NCOA7: variants seen among roughly 807,000 people sequenced by gnomAD.
NCOA7 encodes nuclear receptor coactivator 7.
In NCOA7, 45 loss-of-function variants were observed where a neutral mutation model predicts 104.3. The observed-to-expected ratio is 0.43, with a 90% CI of 0.34 to 0.55. NCOA7 has a LOEUF of 0.55. NCOA7 is among the 20% of genes least tolerant of loss of function. The pLI is 0.02. For synonymous variants in NCOA7, 398 were observed against 402.3 expected (o/e 0.99, Z 0.13); for missense variants, 1,041 against 1,119.7 (o/e 0.93, Z 1.00).
At chr6:125,896,765 C>G (rs573448829) in intron 10 of NCOA7, among the ~76,000 whole-genome samples, 1 of 152,246 alleles carries the variant, frequency 6.6e-6, no homozygotes, top group African/African-American at 2.4e-5. Flanking sequence ...GCACTCCAAC[C>G]TTGACAAAAG....
intron 1 of NCOA7, chr6:125,810,292 G>A (rs970092241): frequency 4.6e-5 from 7 of 152,128 alleles, no homozygotes; most frequent in Non-Finnish European, 1.0e-4. Flanking sequence ...GTACAAACAA[G>A]GAACACTTTT....
At chr6:125,802,294 G>A (rs1053192274) in intron 1 of NCOA7, 1 of 152,176 alleles carries the variant, frequency 6.6e-6, no homozygotes, top group African/African-American at 2.4e-5. Flanking sequence ...ACACAAATAT[G>A]TATTTCACCT....
intron 7 of NCOA7, among the ~76,000 whole-genome samples, chr6:125,883,187 C>G (rs6935780): frequency 0.37 from 56,275 of 151,958 alleles, 12,484 homozygotes; most frequent in African/African-American, 0.63. Flanking sequence ...TCAGCTTTTA[C>G]TGAGCCTCTG....
chr6:125,823,488 G>C (rs1171775538), intron 2 of NCOA7, among the ~76,000 whole-genome samples: 2 of 152,166 alleles, frequency 1.3e-5, no homozygotes, highest in Admixed American at 6.5e-5. Flanking sequence ...ACTGTTGTAT[G>C]AGCCGTGATG....
intron 12 of NCOA7, 107 bp from the exon 13 acceptor site, chr6:125,922,575 G>A: frequency 7.8e-7 from 1 of 1,274,818 alleles, no homozygotes; most frequent in Non-Finnish European, 1.1e-6. Flanking sequence ...GGCACTATGT[G>A]AGTGTATGAT....
intron 11 of NCOA7, chr6:125,919,141 C>A: frequency 8.8e-7 from 1 of 1,133,368 alleles, no homozygotes; most frequent in Non-Finnish European, 1.2e-6. Flanking sequence ...CGATGCCTGG[C>A]AGGAAGTGTG....
At chr6:125,906,028 C>A (rs1785965404) in intron 10 of NCOA7, among the ~76,000 whole-genome samples, 5 of 152,054 alleles carry the variant, frequency 3.3e-5, no homozygotes, top group Admixed American at 2.6e-4. Context: ...GTCTCAAACT[C>A]CTGGCCTCAA....
intron 6 of NCOA7, 132 bp downstream of exon 6, chr6:125,881,335 A>G (rs999997797): frequency 1.4e-6 from 1 of 714,394 alleles, no homozygotes; most frequent in Non-Finnish European, 2.4e-6. Context: ...TAATTGGAGA[A>G]TGCATCCTCT....
chr6:125,861,106 A>G (rs1362755051), intron 3 of NCOA7, among the ~76,000 whole-genome samples: 1 of 152,220 alleles, frequency 6.6e-6, no homozygotes, highest in Non-Finnish European at 1.5e-5. Flanking sequence ...GTCTATATTA[A>G]TCATTTCAAA....
rs1020125784 is a variant in NCOA7, at chr6:125,930,452, A to G, written c.*1681A>G. ...AGCCAAAGACTGCTTGCTAGTAGGA[A>G]AAAATTTCAAATAATAACCAAAGCT... On this transcript the variant is annotated 3_prime_UTR_variant, in exon 16 of 16. Coordinates refer to ENST00000392477, the MANE Select transcript of NCOA7 (RefSeq NM_181782.5). 4.6e-5 allele frequency: 7 copies of G among 152,632 alleles called. No individual in the cohort carries two copies. Among genetic ancestry groups the G allele is most frequent in the Non-Finnish European group, 4.4e-5 (3 of 68,036 alleles). The allele number at this position is 152,632 out of a possible 1,614,324, so 9.5% of individuals were successfully genotyped here. A position where few individuals can be genotyped will look rare whatever the true frequency, so the allele number is the denominator to read the frequency against.
At chr6:125,825,904 A>G (rs927573374) in intron 2 of NCOA7, among the ~76,000 whole-genome samples, 2 of 152,258 alleles carry the variant, frequency 1.3e-5, no homozygotes, top group African/African-American at 4.8e-5. Flanking sequence ...ATGTAAAAAC[A>G]GGTATATACA....
intron 12 of NCOA7, among the ~76,000 whole-genome samples, chr6:125,922,202 G>T (rs529234683): frequency 1.2e-3 from 183 of 152,294 alleles, no homozygotes; most frequent in Non-Finnish European, 1.6e-3. Context: ...AGATATAGGT[G>T]CAATAAGAAC....
intron 1 of NCOA7, among the ~76,000 whole-genome samples, chr6:125,798,630 T>A (rs1775568528): frequency 6.6e-6 from 1 of 152,206 alleles, no homozygotes; most frequent in Admixed American, 6.5e-5. Context: ...ATAACTGAGT[T>A]AAACATAAAC....
chr6:125,849,353 CT>C (rs1284245223), intron 2 of NCOA7, among the ~76,000 whole-genome samples: 9 of 152,162 alleles, frequency 5.9e-5, no homozygotes, highest in African/African-American at 2.2e-4. Flanking sequence ...TAAAAAAGCT[CT>C]TTAATATTCC....
At chr6:125,888,708 C>G (rs933112194) in intron 8 of NCOA7, among the ~76,000 whole-genome samples, 2 of 152,104 alleles carry the variant, frequency 1.3e-5, no homozygotes, top group Non-Finnish European at 2.9e-5. Flanking sequence ...ATATGCAACT[C>G]TCATGGTTCA....
At chr6:125,845,491 C>A (rs1322293247) in intron 2 of NCOA7, among the ~76,000 whole-genome samples, 1 of 152,142 alleles carries the variant, frequency 6.6e-6, no homozygotes, top group Non-Finnish European at 1.5e-5. Context: ...AGTAAAAGTT[C>A]TTGGCTGGGC....
At chr6:125,839,496 A>T (rs1476461665) in intron 2 of NCOA7, among the ~76,000 whole-genome samples, 5 of 152,060 alleles carry the variant, frequency 3.3e-5, no homozygotes, top group East Asian at 1.9e-4. Flanking sequence ...TGAAAGTTCC[A>T]ACCTTTTAAT....
chr6:125,814,456 C>CT (rs1210911783), intron 1 of NCOA7, among the ~76,000 whole-genome samples: 1 of 152,122 alleles, frequency 6.6e-6, no homozygotes, highest in Non-Finnish European at 1.5e-5. Flanking sequence ...GCACAGCCTG[C>CT]TTTTTTTGAT....
chr6:125,918,894 G>A (rs1322414924), intron 11 of NCOA7, among the ~76,000 whole-genome samples: 1 of 151,576 alleles, frequency 6.6e-6, no homozygotes, highest in Admixed American at 6.6e-5. Flanking sequence ...TTATACCAGG[G>A]ATCACACGTA....
Sources: allele counts gnomAD v4.1 joint callset (sites outside exome capture counted in the v4.1 genomes callset), GRCh38; gene constraint gnomAD v4.1.1; transcripts MANE v1.5; gene names NCBI Gene and HGNC (gene_info 2026-07-23, HGNC 2026-07-21).